The following PSTPIP2 variants were observed in gnomAD, a reference collection of about 807,000 sequenced individuals.
PSTPIP2 encodes the protein proline-serine-threonine phosphatase-interacting protein 2.
PSTPIP2 carries 33 observed loss-of-function variants against 63.3 expected under a neutral mutation model. The ratio of observed to expected loss-of-function variants is 0.52; its 90% confidence interval spans 0.40 to 0.70. The LOEUF (loss-of-function observed/expected upper bound fraction) is 0.70, where lower values mean the gene tolerates loss of function less well. Among genes scored for constraint, PSTPIP2 ranks in the 30% least tolerant of loss-of-function variants. The pLI is 0.00. For synonymous variants in PSTPIP2, 125 were observed against 132.7 expected, an observed-to-expected ratio of 0.94 and a Z score of 0.40; for missense variants, 312 against 400.7, an observed-to-expected ratio of 0.78 and a Z score of 1.89.
At chr18:46,054,663 A>ATTTTTT (rs567708908) in intron 1 of PSTPIP2, among the ~76,000 whole-genome samples, 12,429 of 141,932 alleles carry the variant, frequency 0.088, 856 homozygotes, top group East Asian at 0.37. Context: ...AAACCTACTA[A>ATTTTTT]TTTTTTTTTT....
Position 45,984,592 on chromosome 18 carries a change from C to T in PSTPIP2, c.*867G>A, listed in dbSNP as rs2051449236. The T allele has an allele frequency of 6.6e-6, 1 of 152,088 alleles. No individual in the cohort carries two copies. Among genetic ancestry groups the T allele is most frequent in the East Asian group, 1.9e-4 (1 of 5,184 alleles). The allele number at this position is 152,088 out of a possible 1,614,324, so 9.4% of individuals were successfully genotyped here. A position where few individuals can be genotyped will look rare whatever the true frequency, so the allele number is the denominator to read the frequency against. ...CTTAAATTCAGATGGGCTTGGCCAT[C>T]AATAGTCTGTCCCAAGTTTATTGGC... is the stretch of plus-strand genomic sequence containing the variant. On this transcript the variant is annotated 3_prime_UTR_variant, in exon 15 of 15. Transcript: ENST00000409746.
At chr18:46,023,185 G>A (rs557125933) in intron 3 of PSTPIP2, among the ~76,000 whole-genome samples, 16 of 152,252 alleles carry the variant, frequency 1.1e-4, no homozygotes, top group African/African-American at 3.6e-4. Flanking sequence ...ATACCTGGGC[G>A]ATGAAATAAT....
intron 6 of PSTPIP2, among the ~76,000 whole-genome samples, chr18:46,000,054 G>T (rs895616990): frequency 2.0e-5 from 3 of 152,122 alleles, no homozygotes; most frequent in African/African-American, 7.2e-5. Context: ...TGGGAGGGTC[G>T]CTTGTGCCCA....
intron 6 of PSTPIP2, among the ~76,000 whole-genome samples, chr18:46,001,074 T>C (rs1439796264): frequency 2.6e-5 from 4 of 152,234 alleles, no homozygotes; most frequent in Non-Finnish European, 4.4e-5. Flanking sequence ...ATAAACCCTT[T>C]GATCTACTGA....
At chr18:45,995,792 G>A (rs2051588172) in intron 9 of PSTPIP2, among the ~76,000 whole-genome samples, 1 of 152,122 alleles carries the variant, frequency 6.6e-6, no homozygotes, top group Non-Finnish European at 1.5e-5. Context: ...TAGATAGAAA[G>A]TAAGAACTGC....
chr18:45,988,576 C>T (rs976371300), intron 14 of PSTPIP2, 126 bp downstream of exon 14: 2 of 768,006 alleles, frequency 2.6e-6, no homozygotes, highest in African/African-American at 1.7e-5. Flanking sequence ...GCATGCTGGC[C>T]AGTGTACCTG....
At position 46,067,741 on chromosome 18, in the gene PSTPIP2, C is replaced by CT. The variant is rs1169035816; in HGVS notation, c.33+4414dup. ...CAATCAGGCTATTTCTGTATCACCT[C>CT]TTTTTTCTGTAAGTATTGCCTGCCC... On this transcript the variant is annotated intron_variant, in intron 1 of 14. Transcript: ENST00000409746. Among the ~76,000 whole-genome samples, 5 of 152,270 alleles carry CT rather than the reference C, an allele frequency of 3.3e-5. No homozygotes were observed. In the South Asian group the frequency reaches 1.0e-3, roughly 32 times the overall value.
intron 1 of PSTPIP2, among the ~76,000 whole-genome samples, chr18:46,063,470 A>T (rs965582800): frequency 6.6e-6 from 1 of 152,172 alleles, no homozygotes; most frequent in Non-Finnish European, 1.5e-5. Context: ...AAGCTGAATA[A>T]TTTGAACACG....
chr18:46,055,336 T>C (rs891906248), intron 1 of PSTPIP2, among the ~76,000 whole-genome samples: 3 of 152,182 alleles, frequency 2.0e-5, no homozygotes, highest in Non-Finnish European at 4.4e-5. Flanking sequence ...GAATTATTAA[T>C]AGTTAATTTG....
chr18:46,002,020 T>C (rs1009867935), intron 6 of PSTPIP2, among the ~76,000 whole-genome samples: 10 of 152,242 alleles, frequency 6.6e-5, no homozygotes, highest in African/African-American at 2.2e-4. Flanking sequence ...GGTTATGTGT[T>C]AACAGTTCTT....
intron 8 of PSTPIP2, among the ~76,000 whole-genome samples, chr18:45,998,531 A>C (rs1478468261): frequency 1.3e-5 from 2 of 152,156 alleles, no homozygotes; most frequent in Non-Finnish European, 2.9e-5. Flanking sequence ...AGAAGCCAGA[A>C]ACAGTGGCCT....
At position 45,985,938 on chromosome 18, in the gene PSTPIP2, G is replaced by A. The variant is rs560991758; in HGVS notation, c.*9-488C>T. Among the ~76,000 whole-genome samples the A allele has an allele frequency of 8.5e-5, 13 of 152,104 alleles. No homozygotes were observed. In the South Asian group the frequency reaches 2.7e-3, roughly 32 times the overall value. On this transcript the variant is annotated intron_variant, in intron 14 of 14. Transcript: ENST00000409746. ...ATTACAGGCACCCGCCACTGTGCCT[G>A]GCTAGTTTTTGTATTTTTAGTAGAG...
At chr18:46,058,434 G>A (rs762681569) in intron 1 of PSTPIP2, among the ~76,000 whole-genome samples, 1 of 151,782 alleles carries the variant, frequency 6.6e-6, no homozygotes, top group Admixed American at 6.6e-5. Flanking sequence ...TCGGCTCAGC[G>A]CCACCTCCTC....
chr18:46,041,604 A>G (rs954998487), intron 1 of PSTPIP2, among the ~76,000 whole-genome samples: 4 of 152,176 alleles, frequency 2.6e-5, no homozygotes, highest in African/African-American at 9.7e-5. Context: ...TGGAGGGACC[A>G]GGCTAAGTCC....
intron 1 of PSTPIP2, among the ~76,000 whole-genome samples, chr18:46,068,082 A>G (rs1446648748): frequency 6.6e-6 from 1 of 152,094 alleles, no homozygotes; most frequent in Non-Finnish European, 1.5e-5. Flanking sequence ...TCAACCAACC[A>G]CAGATGAAAA....
chr18:45,992,293 T>G (rs2051544283), intron 10 of PSTPIP2, 91 bp from the exon 11 acceptor site: 1 of 1,089,410 alleles, frequency 9.2e-7, no homozygotes, highest in East Asian at 2.6e-5. Flanking sequence ...CGGGGCGCAG[T>G]GGCTCATGTC....
intron 14 of PSTPIP2, among the ~76,000 whole-genome samples, chr18:45,986,019 C>T (rs1452871533): frequency 6.6e-6 from 1 of 152,116 alleles, no homozygotes; most frequent in Non-Finnish European, 1.5e-5. Context: ...TCAGGTGATC[C>T]GCCCGCCTTG....
In PSTPIP2 at chr18:46,011,280, G is replaced by T. The variant is rs763991442; in HGVS notation, c.255C>A (p.Asp85Glu). 6.2e-7 allele frequency: 1 copy of T among 1,610,806 alleles called. No individual in the cohort carries two copies. The highest frequency in any genetic ancestry group is 8.5e-7 in the Non-Finnish European group (1 of 1,177,816). The change falls in exon 5 of 15, where the codon GAC (aspartate) becomes GAA (glutamate). Residue 85 changes from aspartate (D) to glutamate (E), a missense_variant. By Grantham distance (45) the Asp-to-Glu change is conservative. Coordinates refer to ENST00000409746, the MANE Select transcript of PSTPIP2 (RefSeq NM_024430.4). Reference protein sequence around the residue: ...RALEVFKQQVDNVAQCHIQLA... With the variant: ...RALEVFKQQVENVAQCHIQLA... ...GCTGAATGTGACATTGTGCCACATTGTCTACTTCTGCAAAAAAGAATTAAA... is the reference window on the plus strand; with the variant it reads ...GCTGAATGTGACATTGTGCCACATTTTCTACTTCTGCAAAAAAGAATTAAA...
chr18:46,033,740 C>A (rs949284819), intron 2 of PSTPIP2, among the ~76,000 whole-genome samples: 1 of 147,844 alleles, frequency 6.8e-6, no homozygotes, highest in African/African-American at 2.5e-5. Flanking sequence ...CACAGGGGAA[C>A]AACACCACAG....
Sources: gnomAD v4.1 joint callset for allele counts (sites outside exome capture counted in the v4.1 genomes callset) on GRCh38, gnomAD v4.1.1 for gene constraint, MANE v1.5 for transcripts, NCBI Gene and HGNC (gene_info 2026-07-23, HGNC 2026-07-21) for gene names.